MAOA: variants seen among roughly 807,000 people sequenced by gnomAD.
The protein encoded by MAOA is monoamine oxidase A, also known as amine oxidase [flavin-containing] A.
Under a neutral mutation model 42.0 loss-of-function variants are expected in MAOA, and 6 were observed. The observed-to-expected ratio is 0.14, with a 90% CI of 0.08 to 0.28. The LOEUF is 0.28. MAOA is among the 10% of genes least tolerant of loss of function. The pLI, the probability that MAOA is intolerant of heterozygous loss-of-function variation, is 1.00. For missense variants in MAOA, 262 were observed against 422.3 expected, an observed-to-expected ratio of 0.62 and a Z score of 3.33; for synonymous variants, 140 against 154.0, an observed-to-expected ratio of 0.91 and a Z score of 0.67.
intron 3 of MAOA, 144 bp downstream of exon 3, chrX:43,693,572 G>T: frequency 1.1e-5 from 7 of 655,327 alleles, no homozygotes; most frequent in Non-Finnish European, 1.6e-5. Flanking sequence ...TTCTTTTCTT[G>T]TTTTCTTTTT....
At chrX:43,717,065 C>T (rs1015178359) in intron 5 of MAOA, among the ~76,000 whole-genome samples, 2 of 109,738 alleles carry the variant, frequency 1.8e-5, no homozygotes, top group Non-Finnish European at 3.8e-5. Flanking sequence ...GTATGACCCA[C>T]AAGGTTGGGA....
At chrX:43,685,488 C>T (rs147023114) in intron 2 of MAOA, among the ~76,000 whole-genome samples, 5,168 of 111,587 alleles carry the variant, frequency 0.046, 134 homozygotes, top group Middle Eastern at 0.088. Context: ...ACTAGAATAA[C>T]CTACAGACAA....
chrX:43,717,043 G>T (rs144535235), intron 5 of MAOA, among the ~76,000 whole-genome samples: 2,012 of 110,424 alleles, frequency 0.018, 46 homozygotes, highest in African/African-American at 0.063. Context: ...GAGGCAGGAT[G>T]GTATTTTCCA....
rs1272800344 is a variant in MAOA, at chrX:43,671,469, G to A, written c.74-12044G>A. Among the ~76,000 whole-genome samples, 4 of 112,070 alleles carry A rather than the reference G, an allele frequency of 3.6e-5. No homozygotes were observed. The East Asian group carries it at 1.1e-3, about 31-fold the overall frequency. ...TAATTAGATCCCATTTGTCAATTTT[G>A]GCTTTTGTTGCCACTGCTTTTGGTG... On this transcript the variant is annotated intron_variant, in intron 1 of 14. Transcript: ENST00000338702.
At chrX:43,709,715 A>T (rs1569196960) in intron 3 of MAOA, among the ~76,000 whole-genome samples, 1 of 111,665 alleles carries the variant, frequency 9.0e-6, no homozygotes, top group Non-Finnish European at 1.9e-5. Flanking sequence ...GCTATTACTT[A>T]ACCTCAGCCC....
In MAOA at chrX:43,746,305, T is replaced by A. The variant is rs954362821; in HGVS notation, c.*1792T>A. The A allele has an allele frequency of 2.7e-5, 3 of 112,497 alleles. No homozygotes were observed. The highest frequency in any genetic ancestry group is 9.7e-5 in the African/African-American group (3 of 30,944). The allele number at this position is 112,497 out of a possible 1,213,427, so 9.3% of individuals were successfully genotyped here. On this transcript the variant is annotated 3_prime_UTR_variant, in exon 15 of 15. Coordinates refer to ENST00000338702, the MANE Select transcript of MAOA (RefSeq NM_000240.4). ...CAACTTTTTGGAAAACGATTTAATT[T>A]ATTCTAATTAGATTAACCCTATTAA...
intron 5 of MAOA, among the ~76,000 whole-genome samples, chrX:43,714,835 T>A (rs2033729035): frequency 9.2e-6 from 1 of 108,922 alleles, no homozygotes; most frequent in African/African-American, 3.3e-5. Context: ...TTTCCAGCTA[T>A]TTCTCTCTCT....
chrX:43,707,483 G>A (rs1364460962), intron 3 of MAOA, among the ~76,000 whole-genome samples: 5 of 111,703 alleles, frequency 4.5e-5, no homozygotes, highest in African/African-American at 1.3e-4. Flanking sequence ...AAGGACAGAC[G>A]TCTCCATGTA....
At chrX:43,686,210 G>T (rs946207028) in intron 2 of MAOA, among the ~76,000 whole-genome samples, 1 of 111,860 alleles carries the variant, frequency 8.9e-6, no homozygotes, top group Non-Finnish European at 1.9e-5. Context: ...AAACCTTTTG[G>T]TTATTAAACA....
rs763906089 is a variant in MAOA at position 43,712,692 on chromosome X, C to T, written c.412-13C>T. ...TACCATCAAACCTGAGAGGGGACTT[C>T]CTTTCTCTACAGATTCCAACTGATG... On this transcript the variant is annotated splice_polypyrimidine_tract_variant and intron_variant, in intron 4 of 14. Transcript: ENST00000338702. The T allele has an allele frequency of 1.2e-5, 14 of 1,156,149 alleles. No individual in the cohort carries two copies. The African/African-American group carries it at 2.1e-4, about 18-fold the overall frequency.
chrX:43,733,634 G>A (rs1333843594), intron 9 of MAOA, among the ~76,000 whole-genome samples: 2 of 112,004 alleles, frequency 1.8e-5, no homozygotes, highest in African/African-American at 6.5e-5. Flanking sequence ...AGCTTCAGTA[G>A]CAATCAAGTG....
At chrX:43,686,665 G>A (rs1374826772) in intron 2 of MAOA, among the ~76,000 whole-genome samples, 5 of 111,031 alleles carry the variant, frequency 4.5e-5, no homozygotes, top group Admixed American at 9.6e-5. Flanking sequence ...CAGGTGCAGT[G>A]GTGTACACCT....
chrX:43,740,888 A>T, intron 11 of MAOA, 150 bp downstream of exon 11: 1 of 498,426 alleles, frequency 2.0e-6, no homozygotes, highest in Non-Finnish European at 3.1e-6. Context: ...CAGTCACAAA[A>T]GGTCATTAAA....
At chrX:43,656,515 G>A in intron 1 of MAOA, 101 bp downstream of exon 1, 2 of 771,790 alleles carry the variant, frequency 2.6e-6, no homozygotes, top group Admixed American at 2.3e-5. Context: ...TCATGCATGC[G>A]AGAGTGTAGT....
chrX:43,713,606 C>A (rs2033715495), intron 5 of MAOA, among the ~76,000 whole-genome samples: 1 of 111,888 alleles, frequency 8.9e-6, no homozygotes, highest in Non-Finnish European at 1.9e-5. Flanking sequence ...TATGTGAAGG[C>A]ACCATACCAG....
At chrX:43,717,787 T>C (rs1361030734) in intron 5 of MAOA, among the ~76,000 whole-genome samples, 1 of 108,707 alleles carries the variant, frequency 9.2e-6, no homozygotes, top group Non-Finnish European at 1.9e-5. Context: ...AGAAGGTAGA[T>C]AGGAAGGATG....
At chrX:43,693,253 T>A (rs773032010) in intron 2 of MAOA, 38 bp from the exon 3 acceptor site, 1 of 1,194,534 alleles carries the variant, frequency 8.4e-7, no homozygotes, top group African/African-American at 1.8e-5. Context: ...TTCCAAGTTT[T>A]AACTAAAGTC....
At chrX:43,675,425 C>T (rs1169529854) in intron 1 of MAOA, among the ~76,000 whole-genome samples, 2 of 112,413 alleles carry the variant, frequency 1.8e-5, no homozygotes, top group Non-Finnish European at 1.9e-5. Flanking sequence ...TCGTCCGAAG[C>T]CTTCTTCGCT....
chrX:43,713,993 A>G (rs1425180651), intron 5 of MAOA, among the ~76,000 whole-genome samples: 2 of 111,100 alleles, frequency 1.8e-5, no homozygotes, highest in Admixed American at 9.6e-5. Flanking sequence ...AAAGACAGGA[A>G]GGGTGGATGG....
Sources: gnomAD v4.1 joint callset for allele counts (sites outside exome capture counted in the v4.1 genomes callset) on GRCh38, gnomAD v4.1.1 for gene constraint, MANE v1.5 for transcripts, NCBI Gene and HGNC (gene_info 2026-07-23, HGNC 2026-07-21) for gene names.